Variants in ATP5MC2 observed in about 807,000 individuals in gnomAD.
ATP5MC2 encodes the protein ATP synthase membrane subunit c locus 2.
ATP5MC2 carries 11 observed loss-of-function variants against 13.5 expected under a neutral mutation model. The ratio of observed to expected loss-of-function variants is 0.81; its 90% CI spans 0.51 to 1.35. The LOEUF (loss-of-function observed/expected upper bound fraction) is 1.35, where lower values mean the gene tolerates loss of function less well. Among genes scored for constraint, ATP5MC2 ranks in the 40% most tolerant of loss-of-function variants. ATP5MC2 has a pLI of 0.00. For synonymous variants in ATP5MC2, 64 were observed against 69.7 expected, an observed-to-expected ratio of 0.92 and a Z score of 0.41; for missense variants, 132 against 175.0, an observed-to-expected ratio of 0.75 and a Z score of 1.39.
At chr12:53,671,331 T>C (rs150348160) in intron 2 of ATP5MC2, among the ~76,000 whole-genome samples, 100 of 152,346 alleles carry the variant, frequency 6.6e-4, no homozygotes, top group African/African-American at 2.3e-3. Context: ...GAAGAGTAAA[T>C]GAGATTATGT....
chr12:53,678,633 C>T (rs760872272), upstream of ATP5MC2, among the ~76,000 whole-genome samples: 1 of 152,104 alleles, frequency 6.6e-6, no homozygotes, highest in Non-Finnish European at 1.5e-5. Flanking sequence ...ATCAAATCCG[C>T]AAGGGAGCAG....
At chr12:53,667,956 C>CATACACATATATATAT (rs1944971986) in intron 4 of ATP5MC2, among the ~76,000 whole-genome samples, 16 of 67,360 alleles carry the variant, frequency 2.4e-4, no homozygotes, top group African/African-American at 7.0e-4. Context: ...CATACACACA[C>CATACACATATATATAT]ATATATATAT....
Position 53,669,585 on chromosome 12 carries a change from T to C in ATP5MC2, c.118-244A>G, listed in dbSNP as rs563958277. On this transcript the variant is annotated intron_variant, in intron 3 of 4. Transcript: ENST00000394349. ...GTCTATTCTTGCTGCCCCAAGGAGATCATCTTCCTAGGACTAAATGCTTCC... is the reference window on the plus strand; with the variant it reads ...GTCTATTCTTGCTGCCCCAAGGAGACCATCTTCCTAGGACTAAATGCTTCC... Among the ~76,000 whole-genome samples, 3 of 152,242 alleles carry C rather than the reference T, an allele frequency of 2.0e-5. No homozygotes were observed. The South Asian group carries it at 6.2e-4, about 32-fold the overall frequency.
At chr12:53,668,794 G>A (rs945762055) in intron 4 of ATP5MC2, among the ~76,000 whole-genome samples, 5 of 151,852 alleles carry the variant, frequency 3.3e-5, no homozygotes, top group Admixed American at 1.3e-4. Context: ...CGAGGCAGGT[G>A]GATCACTTGA....
intron 1 of ATP5MC2, among the ~76,000 whole-genome samples, chr12:53,675,732 C>T (rs527590098): frequency 7.4e-4 from 112 of 152,304 alleles, no homozygotes; most frequent in Non-Finnish European, 1.0e-3. Flanking sequence ...TTGTCACAAT[C>T]TGAAAGGGCC....
chr12:53,668,969 G>C (rs114037773), intron 4 of ATP5MC2, among the ~76,000 whole-genome samples, 179 bp downstream of exon 4: 2 of 152,164 alleles, frequency 1.3e-5, no homozygotes, highest in African/African-American at 4.8e-5. Context: ...AGTGAGCTGA[G>C]ATTGCGCCAC....
rs545041755 is a variant in ATP5MC2 at position 53,672,976 on chromosome 12, G to C, written c.-31-331C>G. 56 of 239,568 alleles carry C rather than the reference G, an allele frequency of 2.3e-4. 1 individual carries two copies. Among genetic ancestry groups the C allele is most frequent in the Admixed American group, 2.1e-4 (4 of 19,308 alleles). 14.8% of individuals were successfully genotyped at this position (239,568 alleles called of 1,614,324 possible). ...GTGTCTTTTGCCTAAGTTTTCCTTA[G>C]TTTTTATTCAAAAGGAACGCTTCTC... On this transcript the variant is annotated intron_variant, in intron 1 of 4. Transcript: ENST00000394349.
intron 2 of ATP5MC2, 55 bp downstream of exon 2, chr12:53,672,521 A>G (rs1364843426): frequency 6.7e-7 from 1 of 1,497,378 alleles, no homozygotes; most frequent in Non-Finnish European, 9.1e-7. Flanking sequence ...TCTGATGGAA[A>G]GAGAGAGACA....
intron 1 of ATP5MC2, chr12:53,673,866 G>C (rs1262096029): frequency 1.2e-5 from 2 of 167,482 alleles, no homozygotes; most frequent in Non-Finnish European, 2.6e-5. Flanking sequence ...AAGATCTAAA[G>C]AAGATCTGAC....
At chr12:53,672,702 T>C (rs1945139337) in intron 1 of ATP5MC2, 57 bp from the exon 2 acceptor site, 2 of 1,506,606 alleles carry the variant, frequency 1.3e-6, no homozygotes, top group South Asian at 1.2e-5. Context: ...TATATCCTTA[T>C]TAGCAGAAAA....
rs370809518 is a variant in ATP5MC2 at position 53,665,250 on chromosome 12, T to C, written c.*64A>G. The C allele has an allele frequency of 4.0e-5, 53 of 1,336,118 alleles. No homozygotes were observed. The Middle Eastern group carries it at 1.0e-3, about 26-fold the overall frequency. 82.8% of individuals were successfully genotyped at this position (1,336,118 alleles called of 1,614,324 possible). ...GTTCCCCAGGCTGCCTGGGGAGGTATAGGAAAAGGAACACACGGGGCCAAC... is the reference window on the plus strand; with the variant it reads ...GTTCCCCAGGCTGCCTGGGGAGGTACAGGAAAAGGAACACACGGGGCCAAC... On this transcript the variant is annotated 3_prime_UTR_variant, in exon 5 of 5. Transcript: ENST00000394349.
chr12:53,679,238 C>CGAGAGAGAGA (rs59340879), upstream of ATP5MC2, among the ~76,000 whole-genome samples: 2,011 of 127,680 alleles, frequency 0.016, 67 homozygotes, highest in South Asian at 0.036. Flanking sequence ...ATTTTAAAAA[C>CGAGAGAGAGA]GAGAGAGAGA....
At chr12:53,665,539 T>C (rs1944890613) in intron 4 of ATP5MC2, 111 bp from the exon 5 acceptor site, 4 of 922,954 alleles carry the variant, frequency 4.3e-6, no homozygotes, top group South Asian at 1.5e-5. Context: ...TCTCACATAA[T>C]AAAGAAGCTT....
At chr12:53,668,113 C>T (rs1229970021) in intron 4 of ATP5MC2, among the ~76,000 whole-genome samples, 9 of 148,098 alleles carry the variant, frequency 6.1e-5, no homozygotes, top group Non-Finnish European at 1.0e-4. Flanking sequence ...CTCATCCTCC[C>T]GAGTAGCTGG....
chr12:53,681,107 T>G (rs1446937041), upstream of ATP5MC2, among the ~76,000 whole-genome samples: 3 of 151,642 alleles, frequency 2.0e-5, no homozygotes, highest in African/African-American at 7.3e-5. Context: ...AGTTTCACCA[T>G]GTTGGTCAGG....
chr12:53,676,255 G>A (rs888089776), upstream of ATP5MC2: 368 of 1,581,912 alleles, frequency 2.3e-4, no homozygotes, highest in Non-Finnish European at 2.9e-4. Context: ...GCGTTCGAGA[G>A]GAGAAACTAC....
At chr12:53,668,982 C>T (rs889455572) in intron 4 of ATP5MC2, among the ~76,000 whole-genome samples, 166 bp downstream of exon 4, 1 of 152,164 alleles carries the variant, frequency 6.6e-6, no homozygotes, top group Non-Finnish European at 1.5e-5. Context: ...TGCGCCACTG[C>T]ACTCCAGCCT....
upstream of ATP5MC2, chr12:53,676,117 C>T (rs376136120): frequency 2.0e-5 from 32 of 1,614,120 alleles, no homozygotes; most frequent in Middle Eastern, 3.3e-4. Flanking sequence ...GAAGGCTCAG[C>T]GCATGCGTGA....
chr12:53,675,843 G>T (rs1271805859), intron 1 of ATP5MC2, among the ~76,000 whole-genome samples: 1 of 152,206 alleles, frequency 6.6e-6, no homozygotes, highest in Non-Finnish European at 1.5e-5. Flanking sequence ...CTCCCCCTGC[G>T]AGACATCCAA....
Sources: allele counts gnomAD v4.1 joint callset (sites outside exome capture counted in the v4.1 genomes callset), GRCh38; gene constraint gnomAD v4.1.1; transcripts MANE v1.5; gene names NCBI Gene and HGNC (gene_info 2026-07-23, HGNC 2026-07-21).